Variants in VWF observed in about 807,000 individuals in gnomAD.
The protein encoded by VWF is von Willebrand factor.
In VWF, 176 loss-of-function variants were observed where a neutral mutation model predicts 308.6. The observed-to-expected ratio is 0.57, with a 90% CI of 0.50 to 0.65. VWF has a LOEUF of 0.65. Among genes scored for constraint, VWF ranks in the 30% least tolerant of loss-of-function variants. The probability of loss-of-function intolerance (pLI) is 0.00; values close to 1 mark genes in which losing one functional copy is unlikely to be tolerated. For missense variants in VWF, 3,146 were observed against 3,648.2 expected (o/e 0.86, Z 3.55); for synonymous variants, 1,385 against 1,443.4 (o/e 0.96, Z 0.92).
At chr12:5,992,114 G>T in intron 37 of VWF, 96 bp from the exon 38 acceptor site, 2 of 1,229,092 alleles carry the variant, frequency 1.6e-6, no homozygotes, top group Non-Finnish European at 2.3e-6. Flanking sequence ...AGACAAACTT[G>T]CCAGGGCAGA....
chr12:6,014,319 G>A (rs1375132047), intron 31 of VWF, among the ~76,000 whole-genome samples: 2 of 152,178 alleles, frequency 1.3e-5, no homozygotes, highest in Non-Finnish European at 2.9e-5. Flanking sequence ...AGAGCAGAGG[G>A]ACAGGAGCTG....
Position 6,057,065 on chromosome 12 carries a change from G to A in VWF, c.1737C>T (p.Phe579=), listed in dbSNP as rs1944588091. ...PCALNPRMTR[F]SEEACAVLTS... is the part of the protein sequence containing the mutation. Reference sequence around the variant, plus strand: ...TCAGGACCGCGCACGCCTCCTCGGAGAACCTGGCTGTGGGGCGAGAGGAGC... The same window carrying A: ...TCAGGACCGCGCACGCCTCCTCGGAAAACCTGGCTGTGGGGCGAGAGGAGC... Residue 579 remains phenylalanine, a synonymous_variant, in exon 15 of 52, where the codon TTC becomes TTT. Coordinates refer to ENST00000261405, the MANE Select transcript of VWF (RefSeq NM_000552.5). The A allele has an allele frequency of 6.5e-7, 1 of 1,539,410 alleles. No homozygotes were observed. The highest frequency in any genetic ancestry group is 8.7e-7 in the Non-Finnish European group (1 of 1,148,740).
chr12:5,987,020 C>T (rs894060996), intron 38 of VWF, among the ~76,000 whole-genome samples: 17 of 152,194 alleles, frequency 1.1e-4, no homozygotes, highest in African/African-American at 3.9e-4. Flanking sequence ...CTCTGCCTCC[C>T]GAGTTTAAGT....
chr12:5,972,158 A>G (rs922564396), intron 43 of VWF, among the ~76,000 whole-genome samples: 5 of 152,182 alleles, frequency 3.3e-5, no homozygotes, highest in African/African-American at 4.8e-5. Context: ...CTGCTCACCA[A>G]CGTGCAGATT....
At chr12:6,081,171 T>G (rs572011299) in intron 6 of VWF, among the ~76,000 whole-genome samples, 2 of 152,112 alleles carry the variant, frequency 1.3e-5, no homozygotes, top group African/African-American at 4.8e-5. Context: ...CTAAAGTACT[T>G]TCAGAGACCA....
intron 20 of VWF, among the ~76,000 whole-genome samples, chr12:6,032,112 G>C (rs749345070): frequency 6.6e-6 from 1 of 152,204 alleles, no homozygotes; most frequent in Non-Finnish European, 1.5e-5. Flanking sequence ...TCTGGTCCTT[G>C]TTGGTCAATT....
rs745659470 is a variant in VWF, at chr12:5,985,609, G to T, written c.6855C>A (p.Ser2285Arg). 6.2e-7 allele frequency: 1 copy of T among 1,614,136 alleles called. No individual in the cohort carries two copies. ...HQPCQICTCL[S>R]GRKVNCTTQP... ...GCGTTGTGCAGTTGACCTTCCGCCC[G>T]CTGAGGCATGTGCAGATCTGACAGG... is the stretch of plus-strand genomic sequence containing the variant. Residue 2285 changes from serine (S) to arginine (R), a missense_variant, in exon 39 of 52, where the codon AGC becomes AGA. By Grantham distance (110) the Ser-to-Arg change is moderately radical. Around this residue, in one of 3 missense-constraint regions of VWF, gnomAD observed 989 missense variants for 1,117.4 expected, o/e 0.89. Transcript: ENST00000261405.
Position 6,020,346 on chromosome 12 carries a change from C to G in VWF, c.3675-603G>C, listed in dbSNP as rs1420258925. On this transcript the variant is annotated intron_variant, in intron 27 of 51. Transcript: ENST00000261405. The surrounding 1 kb of genome is among the most constrained non-coding windows in gnomAD (Gnocchi z 4.3). The stretch of plus-strand genomic sequence containing the variant: ...AAAACCCCAGCTTTATCTAGCAGAA[C>G]AAATTATTTGGGAGTAGCAGACAGG... Among the ~76,000 whole-genome samples the G allele has an allele frequency of 6.6e-6, 1 of 152,192 alleles. No homozygotes were observed. Among genetic ancestry groups the G allele is most frequent in the Non-Finnish European group, 1.5e-5 (1 of 68,016 alleles).
At chr12:5,992,681 G>A (rs1488137982) in intron 37 of VWF, among the ~76,000 whole-genome samples, 1 of 152,160 alleles carries the variant, frequency 6.6e-6, no homozygotes, top group Non-Finnish European at 1.5e-5. Context: ...GAACTGCCTT[G>A]GGAGAGAAGC....
At chr12:6,072,824 A>G (rs925590265) in intron 8 of VWF, among the ~76,000 whole-genome samples, 1 of 152,028 alleles carries the variant, frequency 6.6e-6, no homozygotes, top group Non-Finnish European at 1.5e-5. Context: ...AAGTTCTTCC[A>G]GTAGAGAAGT....
intron 6 of VWF, among the ~76,000 whole-genome samples, chr12:6,093,093 T>C (rs1008543652): frequency 1.3e-5 from 2 of 152,110 alleles, no homozygotes; most frequent in African/African-American, 4.8e-5. Context: ...TCTCTAAGTT[T>C]ATGAACCTTG....
intron 18 of VWF, among the ~76,000 whole-genome samples, chr12:6,042,432 G>A (rs1944405594): frequency 6.6e-6 from 1 of 152,182 alleles, no homozygotes; most frequent in Non-Finnish European, 1.5e-5. Flanking sequence ...TTGTGTTATG[G>A]CCAAGAACAC....
intron 3 of VWF, among the ~76,000 whole-genome samples, chr12:6,119,866 A>C (rs1367761289): frequency 3.3e-5 from 5 of 152,148 alleles, no homozygotes; most frequent in Admixed American, 2.6e-4. Flanking sequence ...AAATAAATAC[A>C]TAATCTTCAG....
At chr12:6,092,673 G>A (rs11616181) in intron 6 of VWF, among the ~76,000 whole-genome samples, 78,403 of 123,370 alleles carry the variant, frequency 0.64, 26,092 homozygotes, top group Middle Eastern at 0.75. Flanking sequence ...GTGTGTGTGT[G>A]CTGACCAGCA....
At chr12:6,100,881 T>G (rs563996867) in intron 5 of VWF, among the ~76,000 whole-genome samples, 4 of 152,040 alleles carry the variant, frequency 2.6e-5, no homozygotes, top group African/African-American at 7.2e-5. Flanking sequence ...ACCCTAAAAC[T>G]TAAAGCATAA....
In VWF at chr12:6,054,338, T is replaced by C. The variant is rs58422261; in HGVS notation, c.1946-1555A>G. 1.2e-3 allele frequency among the ~76,000 whole-genome samples: 190 copies of C among 152,326 alleles called. 3 individuals are homozygous for C. In the East Asian group the frequency reaches 0.028, roughly 23 times the overall value. On this transcript the variant is annotated intron_variant, in intron 15 of 51. Transcript: ENST00000261405. ...TTATTGGATGAATACTGAGGGAGTG[T>C]AGGTTAAGACAGGATGTGTTAGACA...
chr12:5,966,079 G>A (rs1003329372), intron 47 of VWF, among the ~76,000 whole-genome samples: 4 of 152,306 alleles, frequency 2.6e-5, no homozygotes, highest in African/African-American at 9.6e-5. Flanking sequence ...CAGGGAGTGA[G>A]CGGGCCTGCC....
Position 6,019,170 on chromosome 12 carries a change from A to C in VWF, c.4248T>G (p.Ile1416Met), listed in dbSNP as rs1449781994. 5 of 1,613,724 alleles carry C rather than the reference A, an allele frequency of 3.1e-6. No homozygotes were observed. Among genetic ancestry groups the C allele is most frequent in the Admixed American group, 3.3e-5 (2 of 59,988 alleles). ...KKKVIVIPVG[I>M]GPHANLKQIR... ...TCTGCTTGAGGTTGGCATGGGGCCC[A>C]ATGCCCACCGGGATCACAATGACCT... The change falls in exon 28 of 52, where the codon ATT becomes ATG. Residue 1416 changes from isoleucine (I) to methionine (M), a missense_variant. Ile to Met is a conservative substitution (Grantham distance 10). Coordinates refer to ENST00000261405, the MANE Select transcript of VWF (RefSeq NM_000552.5). The surrounding 1 kb of genome is among the most constrained non-coding windows in gnomAD (Gnocchi z 5.8).
At chr12:6,113,517 A>C (rs1227811041) in intron 3 of VWF, among the ~76,000 whole-genome samples, 1 of 152,126 alleles carries the variant, frequency 6.6e-6, no homozygotes, top group Middle Eastern at 3.2e-3. Context: ...GATGGTCTCG[A>C]TCTCCTGACC....
Sources: allele counts gnomAD v4.1 joint callset (sites outside exome capture counted in the v4.1 genomes callset), GRCh38; gene constraint gnomAD v4.1.1; regional missense constraint gnomAD v4.1.1; non-coding constraint Gnocchi (gnomAD v3.1); transcripts MANE v1.5; gene names NCBI Gene and HGNC (gene_info 2026-07-23, HGNC 2026-07-21).